FRMPD1: variants seen among roughly 807,000 people sequenced by gnomAD.
FRMPD1 encodes the protein FERM and PDZ domain containing 1.
FRMPD1 carries 76 observed loss-of-function variants against 117.8 expected under a neutral mutation model. The ratio of observed to expected loss-of-function variants is 0.65; its 90% CI spans 0.54 to 0.78. FRMPD1 has a LOEUF of 0.78. FRMPD1 is among the 30% of genes least tolerant of loss of function. The pLI is 0.00. For missense variants in FRMPD1, 1,786 were observed against 1,964.5 expected (o/e 0.91, Z 1.72); for synonymous variants, 783 against 770.4 (o/e 1.02, Z -0.27).
the FRMPD1 span, among the ~76,000 whole-genome samples, chr9:37,638,165 C>G: frequency 2.0e-5 from 3 of 151,702 alleles, no homozygotes; most frequent in Non-Finnish European, 4.4e-5. Context: ...CCTCTGCCTC[C>G]TAGGTTCAAG....
chr9:37,638,020 CTT>C, the FRMPD1 span, among the ~76,000 whole-genome samples: 59 of 106,438 alleles, frequency 5.5e-4, 8 homozygotes, highest in South Asian at 3.7e-3. Context: ...TTCTTTCTTT[CTT>C]TCTCTCTCTT....
intron 1 of FRMPD1, among the ~76,000 whole-genome samples, chr9:37,665,887 G>C (rs1821144518): frequency 6.6e-6 from 1 of 152,292 alleles, no homozygotes; most frequent in Middle Eastern, 3.4e-3. Flanking sequence ...CTGTCTGTTG[G>C]AGAGGTTTAT....
chr9:37,620,301 A>G, the FRMPD1 span, among the ~76,000 whole-genome samples: 1 of 152,222 alleles, frequency 6.6e-6, no homozygotes, highest in African/African-American at 2.4e-5. Context: ...CTGAGAACCA[A>G]AAATAATGAG....
intron 1 of FRMPD1, among the ~76,000 whole-genome samples, chr9:37,673,207 A>G (rs1056209724): frequency 2.6e-5 from 4 of 152,214 alleles, no homozygotes; most frequent in Admixed American, 6.5e-5. Context: ...TTGGGTAAAC[A>G]CAGCCATTCC....
chr9:37,606,335 T>C, the FRMPD1 span, among the ~76,000 whole-genome samples: 1 of 152,212 alleles, frequency 6.6e-6, no homozygotes, highest in Non-Finnish European at 1.5e-5. Flanking sequence ...GAAAAAATTG[T>C]TGTAGACTAG....
chr9:37,732,221 T>A, intron 9 of FRMPD1, 83 bp from the exon 10 acceptor site: 1 of 1,452,436 alleles, frequency 6.9e-7, no homozygotes. Context: ...GAGCTCCTGG[T>A]CCTGCTGCCT....
At chr9:37,693,608 A>C (rs1172441274) in intron 2 of FRMPD1, among the ~76,000 whole-genome samples, 1 of 152,178 alleles carries the variant, frequency 6.6e-6, no homozygotes, top group Non-Finnish European at 1.5e-5. Flanking sequence ...ACTCTTACCC[A>C]ATGCTCAGAA....
At chr9:37,611,604 G>A in the FRMPD1 span, among the ~76,000 whole-genome samples, 1 of 152,102 alleles carries the variant, frequency 6.6e-6, no homozygotes, top group Non-Finnish European at 1.5e-5. Context: ...AGTGTATATT[G>A]GTTCTAAGAG....
chr9:37,730,978 T>C lies in FRMPD1; in HGVS notation c.739-6T>C. 1 of 1,613,704 alleles carries C rather than the reference T, an allele frequency of 6.2e-7. No individual in the cohort carries two copies. The highest frequency in any genetic ancestry group is 8.5e-7 in the Non-Finnish European group (1 of 1,179,724). ...AGATTAATAGTATCTCCCTTACCCA[T>C]CGCAGGTGGTAGAAAGGGAGGAGTC... On this transcript the variant is annotated splice_polypyrimidine_tract_variant and splice_region_variant and intron_variant, in intron 8 of 15. Coordinates refer to ENST00000377765, the MANE Select transcript of FRMPD1 (RefSeq NM_014907.3).
intron 1 of FRMPD1, among the ~76,000 whole-genome samples, chr9:37,665,865 C>T (rs932987073): frequency 9.9e-5 from 15 of 152,262 alleles, no homozygotes; most frequent in Non-Finnish European, 7.4e-5. Flanking sequence ...GCAGTATGCA[C>T]CTGTGTTGGC....
chr9:37,655,100 G>A (rs115706207), intron 1 of FRMPD1, among the ~76,000 whole-genome samples: 1 of 152,154 alleles, frequency 6.6e-6, no homozygotes, highest in East Asian at 1.9e-4. Flanking sequence ...CTTGCTGCGG[G>A]GTACCCTTCA....
At chr9:37,630,970 C>T in the FRMPD1 span, among the ~76,000 whole-genome samples, 2 of 152,192 alleles carry the variant, frequency 1.3e-5, no homozygotes, top group Non-Finnish European at 2.9e-5. Context: ...AAGGAGCACA[C>T]ATTCTAGTGA....
Position 37,744,382 on chromosome 9 carries a change from C to G in FRMPD1, c.2357-7C>G. On this transcript the variant is annotated splice_region_variant and splice_polypyrimidine_tract_variant and intron_variant, in intron 15 of 15. Coordinates refer to ENST00000377765, the MANE Select transcript of FRMPD1 (RefSeq NM_014907.3). Reference sequence around the variant, plus strand: ...TTTTAATGTATTTTTTCTTTCCTGACTCCCAGGGCCCAGAGATGTTTCTAC... The same window carrying G: ...TTTTAATGTATTTTTTCTTTCCTGAGTCCCAGGGCCCAGAGATGTTTCTAC... 3 of 1,565,368 alleles carry G rather than the reference C, an allele frequency of 1.9e-6. 1 individual carries two copies. The South Asian group carries it at 3.6e-5, about 19-fold the overall frequency.
At chr9:37,629,483 C>T in the FRMPD1 span, among the ~76,000 whole-genome samples, 197 of 152,310 alleles carry the variant, frequency 1.3e-3, no homozygotes, top group African/African-American at 4.5e-3. Flanking sequence ...CCCCAACCTT[C>T]GCTTCCTCCA....
At chr9:37,613,477 G>A in the FRMPD1 span, among the ~76,000 whole-genome samples, 11 of 152,268 alleles carry the variant, frequency 7.2e-5, no homozygotes, top group South Asian at 2.3e-3. Flanking sequence ...TATAACTAAG[G>A]GAGCTTAAAT....
intron 2 of FRMPD1, among the ~76,000 whole-genome samples, chr9:37,697,440 G>A (rs1318921780): frequency 2.0e-5 from 3 of 151,928 alleles, no homozygotes; most frequent in Admixed American, 6.6e-5. Context: ...GGTGGCAGGC[G>A]CCTGTAGTCC....
At chr9:37,685,270 T>C (rs373445974) in intron 1 of FRMPD1, among the ~76,000 whole-genome samples, 25 of 152,242 alleles carry the variant, frequency 1.6e-4, no homozygotes, top group African/African-American at 6.0e-4. Flanking sequence ...TGAGTTGATA[T>C]GTGAAGAGTC....
At chr9:37,723,146 G>A (rs1823470766) in intron 6 of FRMPD1, among the ~76,000 whole-genome samples, 1 of 152,056 alleles carries the variant, frequency 6.6e-6, no homozygotes, top group Non-Finnish European at 1.5e-5. Context: ...AATAAAATGA[G>A]GGTAGGAGAG....
chr9:37,603,929 C>T, the FRMPD1 span, among the ~76,000 whole-genome samples: 581 of 152,198 alleles, frequency 3.8e-3, 3 homozygotes, highest in Middle Eastern at 0.017. Flanking sequence ...ATCCGCCCAC[C>T]TCAGCCTCCA....
Sources: allele counts gnomAD v4.1 joint callset (sites outside exome capture counted in the v4.1 genomes callset), GRCh38; gene constraint gnomAD v4.1.1; transcripts MANE v1.5; gene names NCBI Gene and HGNC (gene_info 2026-07-23, HGNC 2026-07-21).